The following CHGB variants were observed in gnomAD, a reference collection of about 807,000 sequenced individuals.
The protein encoded by CHGB is chromogranin B.
In CHGB, 46 loss-of-function variants were observed where a neutral mutation model predicts 69.9. That is an observed-to-expected ratio of 0.66 (90% CI 0.52 to 0.84). The LOEUF is 0.84. Among genes scored for constraint, CHGB ranks in the 40% least tolerant of loss-of-function variants. CHGB has a pLI of 0.00. For synonymous variants in CHGB, 312 were observed against 298.2 expected, an observed-to-expected ratio of 1.05 and a Z score of -0.48; for missense variants, 796 against 822.2, an observed-to-expected ratio of 0.97 and a Z score of 0.39.
chr20:5,916,474 C>A, intron 2 of CHGB, 102 bp downstream of exon 2: 2 of 1,038,992 alleles, frequency 1.9e-6, no homozygotes, highest in Non-Finnish European at 2.9e-6. Context: ...CATAATCTTA[C>A]AAAGCCAGGT....
At chr20:5,924,166 C>A in intron 4 of CHGB, 66 bp downstream of exon 4, 1 of 1,468,112 alleles carries the variant, frequency 6.8e-7, no homozygotes. Context: ...ATGTTCAAGA[C>A]TATCCGATAT....
At chr20:5,924,889 C>A in intron 4 of CHGB, 83 bp from the exon 5 acceptor site, 2 of 767,074 alleles carry the variant, frequency 2.6e-6, no homozygotes, top group South Asian at 1.6e-5. Context: ...GCCTAAAATT[C>A]CCCTTTGCAC....
chr20:5,913,924 AC>A (rs1447156470), intron 1 of CHGB, among the ~76,000 whole-genome samples: 1 of 151,516 alleles, frequency 6.6e-6, no homozygotes, highest in African/African-American at 2.4e-5. Context: ...GAGCCACTGC[AC>A]CCGGCCGGGA....
Position 5,924,113 on chromosome 20 carries a change from G to T in CHGB, c.1956+13G>T, listed in dbSNP as rs760846476. On this transcript the variant is annotated intron_variant, in intron 4 of 4. Coordinates refer to ENST00000378961, the MANE Select transcript of CHGB (RefSeq NM_001819.3). ...GACAGAGGACGAGGTATGGTCTAGG[G>T]CTTCTGTTTAAAAGTACTTACTCTG... is the stretch of plus-strand genomic sequence containing the variant. 10 of 1,578,190 alleles carry T rather than the reference G, an allele frequency of 6.3e-6. No individual in the cohort carries two copies. In the South Asian group the frequency reaches 1.2e-4, roughly 18 times the overall value.
Position 5,922,348 on chromosome 20 carries a change from C to A in CHGB, c.204C>A (p.Val68=). 6.5e-7 allele frequency: 1 copy of A among 1,547,012 alleles called. No individual in the cohort carries two copies. Among genetic ancestry groups the A allele is most frequent in the South Asian group, 1.2e-5 (1 of 81,648 alleles). Reference sequence around the variant, plus strand: ...TTTTCATTATAGGTAGAAAAGACGTCAAAGACAAAGAGACAACTGAAAATG... The same window carrying A: ...TTTTCATTATAGGTAGAAAAGACGTAAAAGACAAAGAGACAACTGAAAATG... ...RQVLKTSRKD[V]KDKETTENEN... is the part of the protein sequence containing the mutation. The change falls in exon 4 of 5, where the codon GTC becomes GTA. Residue 68 remains valine, a synonymous_variant. Transcript: ENST00000378961.
chr20:5,911,645 G>T lies in CHGB; in HGVS notation c.12G>T (p.Thr4=), dbSNP rs746483100. 1.3e-6 allele frequency: 2 copies of T among 1,511,250 alleles called. No homozygotes were observed. The highest frequency in any genetic ancestry group is 1.2e-5 in the South Asian group (1 of 82,300). 93.6% of individuals were successfully genotyped at this position (1,511,250 alleles called of 1,614,324 possible). ...CGCCGAGCGGGGCCATGCAGCCAAC[G>T]CTGCTTCTCAGCCTCCTGGGAGCCG... The part of the protein sequence containing the change: MQP[T]LLLSLLGAVG... The change falls in exon 1 of 5, where the codon ACG becomes ACT. Residue 4 remains threonine, a synonymous_variant. Coordinates refer to ENST00000378961, the MANE Select transcript of CHGB (RefSeq NM_001819.3).
In CHGB at chr20:5,923,051, GA is replaced by G; in HGVS notation, c.911del (p.Lys304ArgfsTer18). On this transcript the variant is annotated frameshift_variant, in exon 4 of 5. Coordinates refer to ENST00000378961, the MANE Select transcript of CHGB (RefSeq NM_001819.3). LOFTEE classifies it high-confidence loss of function. ...SSQGGSLPSE[E>X]KGHPQEESEE... Reference sequence around the variant, plus strand: ...TCAAGGAGGGAGTCTTCCCTCTGAGGAAAAGGGACACCCCCAGGAGGAATCT... The same window carrying G: ...TCAAGGAGGGAGTCTTCCCTCTGAGGAAAGGGACACCCCCAGGAGGAATCT... The G allele has an allele frequency of 6.2e-7, 1 of 1,613,968 alleles. No homozygotes were observed. Among genetic ancestry groups the G allele is most frequent in the Non-Finnish European group, 8.5e-7 (1 of 1,179,962 alleles).
rs200824079 is a variant in CHGB at position 5,916,901 on chromosome 20, C to T, written c.172C>T (p.Arg58Cys). 218 of 1,614,076 alleles carry T rather than the reference C, an allele frequency of 1.4e-4. No homozygotes were observed. The highest frequency in any genetic ancestry group is 1.7e-4 in the Non-Finnish European group (199 of 1,180,034). Residue 58 changes from arginine (R) to cysteine (C), a missense_variant, in exon 3 of 5, where the codon CGC becomes TGC. Around this residue, in one of 3 missense-constraint regions of CHGB, gnomAD observed 518 missense variants for 506.3 expected, o/e 1.02. Coordinates refer to ENST00000378961, the MANE Select transcript of CHGB (RefSeq NM_001819.3). ...SSAPPITPEC[R>C]QVLKTSRKDV... ...CGCTCCACCCATCACCCCTGAGTGCCGCCAAGTCCTGAAGACGAGTAAGTG... is the reference window on the plus strand; with the variant it reads ...CGCTCCACCCATCACCCCTGAGTGCTGCCAAGTCCTGAAGACGAGTAAGTG...
Position 5,924,181 on chromosome 20 carries a change from G to A in CHGB, c.1956+81G>A, listed in dbSNP as rs530704140. Reference sequence around the variant, plus strand: ...ATGTTCAAGACTATCCGATATTCACGGGGAGAAATTGGTGGGAATTAATCA... The same window carrying A: ...ATGTTCAAGACTATCCGATATTCACAGGGAGAAATTGGTGGGAATTAATCA... On this transcript the variant is annotated intron_variant, in intron 4 of 4. Coordinates refer to ENST00000378961, the MANE Select transcript of CHGB (RefSeq NM_001819.3). 42 of 1,449,204 alleles carry A rather than the reference G, an allele frequency of 2.9e-5. 1 individual carries two copies. The Middle Eastern group carries it at 7.7e-4, about 26-fold the overall frequency. 89.8% of individuals were successfully genotyped at this position (1,449,204 alleles called of 1,614,324 possible).
Position 5,911,641 on chromosome 20 carries a change from C to CGCCG in CHGB, c.8_9insGCCG (p.Thr4ProfsTer23). The CGCCG allele has an allele frequency of 1.3e-6, 2 of 1,512,456 alleles. No individual in the cohort carries two copies. The highest frequency in any genetic ancestry group is 2.4e-5 in the South Asian group (2 of 82,422). The allele number at this position is 1,512,456 out of a possible 1,614,324, so 93.7% of individuals were successfully genotyped here. A position where few individuals can be genotyped will look rare whatever the true frequency, so the allele number is the denominator to read the frequency against. ...GGGCCGCCGAGCGGGGCCATGCAGC[C>CGCCG]AACGCTGCTTCTCAGCCTCCTGGGA... On this transcript the variant is annotated frameshift_variant, in exon 1 of 5. Transcript: ENST00000378961. LOFTEE classifies it high-confidence loss of function.
At chr20:5,916,157 T>C (rs1166073863) in intron 1 of CHGB, 169 bp from the exon 2 acceptor site, 2 of 613,028 alleles carry the variant, frequency 3.3e-6, no homozygotes, top group Non-Finnish European at 5.8e-6. Context: ...TCCTTGTCTG[T>C]GGTCTAGATT....
chr20:5,923,666 T>A lies in CHGB; in HGVS notation c.1522T>A (p.Ser508Thr). Residue 508 changes from serine to threonine, a missense_variant, in exon 4 of 5, where the codon TCC becomes ACC. Ser to Thr is a moderately conservative substitution (Grantham distance 58). Transcript: ENST00000378961. ...EARFQDKQYS[S>T]HHTAEKRKRL... ...TAGGTTTCAAGATAAACAATATAGC[T>A]CCCATCACACAGCTGAAAAGAGGAA... 6.2e-7 allele frequency: 1 copy of A among 1,613,728 alleles called. No individual in the cohort carries two copies.
chr20:5,911,528 G>C lies in CHGB; in HGVS notation c.-106G>C. 2 of 1,227,976 alleles carry C rather than the reference G, an allele frequency of 1.6e-6. No individual in the cohort carries two copies. Among genetic ancestry groups the C allele is most frequent in the Non-Finnish European group, 2.3e-6 (2 of 884,474 alleles). 76.1% of individuals were successfully genotyped at this position (1,227,976 alleles called of 1,614,324 possible). ...CCGCGCCACACCGCGGGGACCAGGA[G>C]GCACGCTGGTTTTCCGGGGCCGCTC... On this transcript the variant is annotated 5_prime_UTR_variant, in exon 1 of 5. Transcript: ENST00000378961.
intron 3 of CHGB, among the ~76,000 whole-genome samples, chr20:5,919,363 T>C (rs2088500296): frequency 6.6e-6 from 1 of 152,164 alleles, no homozygotes. Flanking sequence ...AGTGACAGAA[T>C]GCTGAGATGG....
At chr20:5,911,738 C>G in intron 1 of CHGB, 56 bp downstream of exon 1, 1 of 1,341,668 alleles carries the variant, frequency 7.5e-7, no homozygotes, top group Admixed American at 3.9e-5. Flanking sequence ...CTCGCTCTTC[C>G]CCGCCGCTCC....
At position 5,922,778 on chromosome 20, in the gene CHGB, G is replaced by A; in HGVS notation, c.634G>A (p.Glu212Lys). 1.2e-6 allele frequency: 2 copies of A among 1,614,146 alleles called. No individual in the cohort carries two copies. The highest frequency in any genetic ancestry group is 1.7e-6 in the Non-Finnish European group (2 of 1,180,036). ...GCAGGCTTCAGCTATAAAAAAAGAG[G>A]AGTTAGTGGCCAGATCGGAAACACA... ...RKQASAIKKE[E>K]LVARSETHAA... Residue 212 changes from glutamate (E) to lysine (K), a missense_variant, in exon 4 of 5, where the codon GAG becomes AAG. Glu to Lys is a moderately conservative substitution (Grantham distance 56). Around this residue, in one of 3 missense-constraint regions of CHGB, gnomAD observed 518 missense variants for 506.3 expected, o/e 1.02. Transcript: ENST00000378961.
chr20:5,912,468 A>G (rs990162483), intron 1 of CHGB, among the ~76,000 whole-genome samples: 6 of 147,932 alleles, frequency 4.1e-5, no homozygotes, highest in African/African-American at 1.5e-4. Flanking sequence ...AATAACCACA[A>G]AAGTTCCTTT....
intron 3 of CHGB, among the ~76,000 whole-genome samples, chr20:5,921,260 G>C (rs553922980): frequency 2.8e-4 from 42 of 152,278 alleles, no homozygotes; most frequent in Admixed American, 1.4e-3. Context: ...GAAGTCTGAT[G>C]TGTATCTTAC....
In CHGB at chr20:5,924,971, G is replaced by GA. The variant is rs780955283; in HGVS notation, c.1962dup (p.Glu655ArgfsTer17). 45 of 1,608,948 alleles carry GA rather than the reference G, an allele frequency of 2.8e-5. No homozygotes were observed. The highest frequency in any genetic ancestry group is 4.4e-5 in the South Asian group (4 of 90,796). On this transcript the variant is annotated frameshift_variant and splice_region_variant. Coordinates refer to ENST00000378961, the MANE Select transcript of CHGB (RefSeq NM_001819.3). LOFTEE classifies it high-confidence loss of function. Reference sequence around the variant, plus strand: ...TGCCTCCACTTTTCTGTATTTTCCAGAAAAAAGAACTCGAAAACTTGGCTG... The same window carrying GA: ...TGCCTCCACTTTTCTGTATTTTCCAGAAAAAAAGAACTCGAAAACTTGGCTG...
Sources: gnomAD v4.1 joint callset for allele counts (sites outside exome capture counted in the v4.1 genomes callset) on GRCh38, gnomAD v4.1.1 for gene constraint, gnomAD v4.1.1 regional missense constraint, MANE v1.5 for transcripts, NCBI Gene and HGNC (gene_info 2026-07-23, HGNC 2026-07-21) for gene names.